Variants in LRRFIP1 observed in about 807,000 individuals in gnomAD.
LRRFIP1 encodes the protein LRR binding FLII interacting protein 1, also known as leucine-rich repeat flightless-interacting protein 1.
In LRRFIP1, 62 loss-of-function variants were observed where a neutral mutation model predicts 104.4. The observed-to-expected ratio is 0.59, with a 90% CI of 0.48 to 0.73. The LOEUF (loss-of-function observed/expected upper bound fraction) is 0.73, where lower values mean the gene tolerates loss of function less well. Ranked by LOEUF, LRRFIP1 falls within the 30% of genes least tolerant of loss-of-function variation. The pLI is 0.00. For synonymous variants in LRRFIP1, 300 were observed against 299.0 expected (o/e 1.00, Z -0.03); for missense variants, 796 against 824.5 (o/e 0.97, Z 0.42).
chr2:237,779,277 T>C lies in LRRFIP1; in HGVS notation c.1813-145T>C, dbSNP rs994478455. ...GTTCCCTCTCTGGAGTCCAGTTGTT[T>C]CAGAGGAGGAAGGGCATCATGAGGG... On this transcript the variant is annotated intron_variant, in intron 23 of 23. Coordinates refer to ENST00000308482, the MANE Select transcript of LRRFIP1 (RefSeq NM_001137550.2). 2.6e-5 allele frequency: 33 copies of C among 1,293,012 alleles called. No homozygotes were observed. In the East Asian group the frequency reaches 8.4e-4, roughly 33 times the overall value. The allele number at this position is 1,293,012 out of a possible 1,614,324, so 80.1% of individuals were successfully genotyped here. A position where few individuals can be genotyped will look rare whatever the true frequency, so the allele number is the denominator to read the frequency against.
chr2:237,677,051 A>C (rs981202104), intron 1 of LRRFIP1, among the ~76,000 whole-genome samples: 2 of 152,236 alleles, frequency 1.3e-5, no homozygotes, highest in Non-Finnish European at 2.9e-5. Flanking sequence ...CACATAACAA[A>C]GTTTGCCATC....
chr2:237,666,428 A>T (rs1215040130), intron 1 of LRRFIP1, among the ~76,000 whole-genome samples: 1 of 152,284 alleles, frequency 6.6e-6, no homozygotes, highest in African/African-American at 2.4e-5. Context: ...AAACACAGGG[A>T]TCCCAATTTT....
Position 237,662,404 on chromosome 2 carries a change from G to A in LRRFIP1, c.96+34664G>A, listed in dbSNP as rs185125830. Among the ~76,000 whole-genome samples the A allele has an allele frequency of 4.2e-4, 64 of 152,250 alleles. No individual in the cohort carries two copies. The East Asian group carries it at 0.011, about 27-fold the overall frequency. ...GGGGGATGTTACTGAACGCAGTGCAGGGTTCTTACATTCTCACCATCACGT... is the reference window on the plus strand; with the variant it reads ...GGGGGATGTTACTGAACGCAGTGCAAGGTTCTTACATTCTCACCATCACGT... On this transcript the variant is annotated intron_variant, in intron 1 of 23. Coordinates refer to ENST00000308482, the MANE Select transcript of LRRFIP1 (RefSeq NM_001137550.2).
At position 237,661,882 on chromosome 2, in the gene LRRFIP1, C is replaced by A. The variant is rs768755411; in HGVS notation, c.96+34142C>A. 2.6e-5 allele frequency among the ~76,000 whole-genome samples: 4 copies of A among 152,208 alleles called. No individual in the cohort carries two copies. The highest frequency in any genetic ancestry group is 4.4e-5 in the Non-Finnish European group (3 of 68,026). On this transcript the variant is annotated intron_variant, in intron 1 of 23. Transcript: ENST00000308482. The surrounding 1 kb of genome is among the most constrained non-coding windows in gnomAD (Gnocchi z 4.4). ...CCCCAAAATAGGTGTTGCCATGATT[C>A]CTTTGGACAAAATGTAAAATCTGGC...
In LRRFIP1 at chr2:237,664,697, A is replaced by G. The variant is rs560995913; in HGVS notation, c.96+36957A>G. Among the ~76,000 whole-genome samples, 102 of 152,332 alleles carry G rather than the reference A, an allele frequency of 6.7e-4. 1 individual carries two copies. Among genetic ancestry groups the G allele is most frequent in the African/African-American group, 2.1e-3 (86 of 41,578 alleles). ...TGTACTTTTTCTACCCAACGGCTGC[A>G]TAGTGTTCTCTTCCCACAGCTGATG... On this transcript the variant is annotated intron_variant, in intron 1 of 23. Transcript: ENST00000308482.
intron 1 of LRRFIP1, among the ~76,000 whole-genome samples, chr2:237,677,528 A>G (rs1239180186): frequency 6.6e-6 from 1 of 152,198 alleles, no homozygotes; most frequent in African/African-American, 2.4e-5. Flanking sequence ...ACAGTAGCTC[A>G]TATCTATAAC....
intron 7 of LRRFIP1, among the ~76,000 whole-genome samples, 171 bp from the exon 8 acceptor site, chr2:237,727,705 C>T (rs74549684): frequency 6.6e-6 from 1 of 152,164 alleles, no homozygotes; most frequent in African/African-American, 2.4e-5. Context: ...GAGCAGACGG[C>T]GGCAGGGATG....
intron 1 of LRRFIP1, among the ~76,000 whole-genome samples, chr2:237,644,629 C>T (rs115645286): frequency 0.014 from 2,067 of 152,310 alleles, 44 homozygotes; most frequent in African/African-American, 0.047. Flanking sequence ...ATAGAGAATA[C>T]ATAACCTGTT....
chr2:237,638,775 C>T (rs2083465701), intron 1 of LRRFIP1, among the ~76,000 whole-genome samples: 1 of 152,160 alleles, frequency 6.6e-6, no homozygotes, highest in Non-Finnish European at 1.5e-5. Flanking sequence ...AGAGCAATTC[C>T]CTTGTGGAAA....
intron 1 of LRRFIP1, 112 bp downstream of exon 1, chr2:237,627,852 G>A: frequency 2.9e-6 from 2 of 700,176 alleles, no homozygotes; most frequent in Non-Finnish European, 3.8e-6. Flanking sequence ...GCCACTGCGC[G>A]TCCGGCTCCA....
chr2:237,627,619 C>T lies in LRRFIP1; in HGVS notation c.-26C>T, dbSNP rs1399560739. On this transcript the variant is annotated 5_prime_UTR_variant, in exon 1 of 24. Transcript: ENST00000308482. ...CGCGAGCGGCTGGAGCAACGGGCCC[C>T]GCGGCAGCTGCGGGCGACGCGGTCG... The T allele has an allele frequency of 2.4e-6, 3 of 1,264,816 alleles. No homozygotes were observed. Among genetic ancestry groups the T allele is most frequent in the Admixed American group, 3.2e-5 (1 of 30,924 alleles). The allele number at this position is 1,264,816 out of a possible 1,614,324, so 78.3% of individuals were successfully genotyped here.
At chr2:237,710,106 A>G (rs1016844931) in intron 2 of LRRFIP1, among the ~76,000 whole-genome samples, 23 of 151,586 alleles carry the variant, frequency 1.5e-4, no homozygotes, top group Non-Finnish European at 2.8e-4. Flanking sequence ...TCCCGCCTTG[A>G]CCTCCTGGCC....
At chr2:237,670,877 C>G (rs1414469050) in intron 1 of LRRFIP1, among the ~76,000 whole-genome samples, 1 of 152,232 alleles carries the variant, frequency 6.6e-6, no homozygotes, top group African/African-American at 2.4e-5. Flanking sequence ...ACGTCTGGAA[C>G]ATCCTCAGCG....
intron 1 of LRRFIP1, among the ~76,000 whole-genome samples, chr2:237,686,530 C>T (rs760043581): frequency 4.6e-5 from 7 of 152,236 alleles, no homozygotes; most frequent in Non-Finnish European, 1.0e-4. Context: ...AAGGCACCTA[C>T]CATGTTCCAA....
intron 5 of LRRFIP1, among the ~76,000 whole-genome samples, chr2:237,720,364 C>T (rs999860870): frequency 6.6e-6 from 1 of 152,142 alleles, no homozygotes; most frequent in African/African-American, 2.4e-5. Flanking sequence ...TCTCATGCCT[C>T]AGCCTCCTGA....
chr2:237,720,009 G>A (rs928909612), intron 5 of LRRFIP1, among the ~76,000 whole-genome samples: 35 of 141,914 alleles, frequency 2.5e-4, no homozygotes, highest in Non-Finnish European at 4.2e-4. Context: ...ATGCAGTGGT[G>A]CGGTTTTGGC....
At chr2:237,719,452 T>C in intron 4 of LRRFIP1, 71 bp from the exon 5 acceptor site, 1 of 1,071,822 alleles carries the variant, frequency 9.3e-7, no homozygotes, top group East Asian at 2.4e-5. Flanking sequence ...TGGGACTACC[T>C]AAGCTTTTTT....
intron 1 of LRRFIP1, among the ~76,000 whole-genome samples, chr2:237,695,344 C>T (rs1008855529): frequency 2.0e-5 from 3 of 152,132 alleles, no homozygotes; most frequent in Admixed American, 1.3e-4. Flanking sequence ...CACAGGAAAT[C>T]AAGTTATTTA....
chr2:237,637,997 A>G lies in LRRFIP1; in HGVS notation c.96+10257A>G, dbSNP rs1343799706. Among the ~76,000 whole-genome samples the G allele has an allele frequency of 4.6e-5, 7 of 152,158 alleles. 1 individual carries two copies. In the South Asian group the frequency reaches 8.3e-4, roughly 18 times the overall value. Reference sequence around the variant, plus strand: ...GTCTTCCCTAAGACAGCAGCCCCCAATCTTTTTGGCACCAGGGACCAGTTT... The same window carrying G: ...GTCTTCCCTAAGACAGCAGCCCCCAGTCTTTTTGGCACCAGGGACCAGTTT... On this transcript the variant is annotated intron_variant, in intron 1 of 23. Coordinates refer to ENST00000308482, the MANE Select transcript of LRRFIP1 (RefSeq NM_001137550.2).
Sources: allele counts gnomAD v4.1 joint callset (sites outside exome capture counted in the v4.1 genomes callset), GRCh38; gene constraint gnomAD v4.1.1; non-coding constraint Gnocchi (gnomAD v3.1); transcripts MANE v1.5; gene names NCBI Gene and HGNC (gene_info 2026-07-23, HGNC 2026-07-21).